Variants in TYW1 observed in about 807,000 individuals in gnomAD.
TYW1 encodes the protein tRNA-yW synthesizing protein 1 homolog.
In TYW1, 46 loss-of-function variants were observed where a neutral mutation model predicts 96.2. The ratio of observed to expected loss-of-function variants is 0.48; its 90% CI spans 0.38 to 0.61. The LOEUF (loss-of-function observed/expected upper bound fraction) is 0.61. TYW1 is among the 20% of genes least tolerant of loss of function. The pLI is 0.00. For missense variants in TYW1, 684 were observed against 909.6 expected (o/e 0.75, Z 3.19); for synonymous variants, 274 against 323.0 (o/e 0.85, Z 1.63).
chr7:67,029,775 A>T (rs1319430056), intron 7 of TYW1, among the ~76,000 whole-genome samples: 1 of 152,068 alleles, frequency 6.6e-6, no homozygotes, highest in East Asian at 1.9e-4. Context: ...ATCACGGCTC[A>T]CTGCAACCTT....
chr7:67,034,351 C>T (rs780903793), intron 7 of TYW1, among the ~76,000 whole-genome samples: 66 of 152,208 alleles, frequency 4.3e-4, no homozygotes, highest in South Asian at 8.3e-4. Flanking sequence ...AGATATCCAC[C>T]TGCCTTGGCC....
At chr7:67,060,263 A>G (rs11765001) in intron 9 of TYW1, among the ~76,000 whole-genome samples, 9,782 of 151,968 alleles carry the variant, frequency 0.064, 433 homozygotes, top group South Asian at 0.11. Context: ...TTCAGTAGAG[A>G]CGGGGTTTTG....
intron 1 of TYW1, 76 bp downstream of exon 1, chr7:66,997,058 A>G: frequency 6.2e-7 from 1 of 1,603,080 alleles, no homozygotes; most frequent in Non-Finnish European, 8.5e-7. Flanking sequence ...CTCCGGGCGG[A>G]GTGGCGTCCT....
chr7:67,018,038 T>A lies in TYW1; in HGVS notation c.756T>A (p.Cys252Ter). The A allele has an allele frequency of 6.2e-7, 1 of 1,614,068 alleles. No individual in the cohort carries two copies. Among genetic ancestry groups the A allele is most frequent in the Non-Finnish European group, 8.5e-7 (1 of 1,180,022 alleles). Residue 252 changes from cysteine (C) to a stop codon, truncating the protein, a stop_gained, in exon 6 of 16, where the codon TGT becomes TGA. Transcript: ENST00000359626. LOFTEE classifies it high-confidence loss of function. ...ALQKGERKKS[C>*]GGHCKKGKCE... The stretch of plus-strand genomic sequence containing the variant: ...AGAAAGGGGAGAGAAAGAAGTCCTG[T>A]GGCGGCCACTGCAAGAAAGGCAAAT...
chr7:67,154,751 A>G (rs1436286055), intron 13 of TYW1, among the ~76,000 whole-genome samples: 1 of 152,082 alleles, frequency 6.6e-6, no homozygotes, highest in Non-Finnish European at 1.5e-5. Flanking sequence ...ATTTTAAACT[A>G]TTATTTTATT....
chr7:67,193,812 G>GGTGT (rs35319302), intron 14 of TYW1, among the ~76,000 whole-genome samples: 232 of 150,014 alleles, frequency 1.5e-3, no homozygotes, highest in African/African-American at 5.5e-3. Context: ...GTTTGTCTGT[G>GGTGT]GTGTGTGTGT....
chr7:67,211,987 T>G (rs1420940244), intron 15 of TYW1, among the ~76,000 whole-genome samples: 1 of 152,186 alleles, frequency 6.6e-6, no homozygotes, highest in African/African-American at 2.4e-5. Flanking sequence ...AAAATTTGCA[T>G]ACATTAAGAT....
chr7:67,031,276 T>C (rs371437272), intron 7 of TYW1, among the ~76,000 whole-genome samples: 9,592 of 120,598 alleles, frequency 0.08, 90 homozygotes, highest in Non-Finnish European at 0.1. Context: ...ATACTAACTA[T>C]GTAAGGCATG....
chr7:67,098,415 T>G, intron 11 of TYW1, 126 bp from the exon 12 acceptor site: 1 of 627,344 alleles, frequency 1.6e-6, no homozygotes. Context: ...CTTTAGCCTT[T>G]GTTTTGTATT....
intron 12 of TYW1, among the ~76,000 whole-genome samples, chr7:67,108,045 T>G (rs565961677): frequency 2.0e-5 from 3 of 151,836 alleles, no homozygotes; most frequent in Non-Finnish European, 4.4e-5. Flanking sequence ...CCCAGCTAAT[T>G]TTTGTATTTA....
chr7:67,196,146 C>T (rs1372440928), intron 15 of TYW1, among the ~76,000 whole-genome samples: 1 of 151,836 alleles, frequency 6.6e-6, no homozygotes, highest in African/African-American at 2.4e-5. Context: ...TCTTCCAGTT[C>T]ACTAAGTCTT....
chr7:67,071,766 G>A (rs1181776450), intron 10 of TYW1, among the ~76,000 whole-genome samples: 16 of 151,964 alleles, frequency 1.1e-4, no homozygotes, highest in Non-Finnish European at 1.2e-4. Flanking sequence ...GATTGCAGGC[G>A]CCCGCCACCA....
intron 11 of TYW1, among the ~76,000 whole-genome samples, chr7:67,091,466 T>A (rs545672608): frequency 6.6e-6 from 1 of 151,802 alleles, no homozygotes; most frequent in South Asian, 2.1e-4. Flanking sequence ...CTAATGTAAA[T>A]GACGAGTTAA....
chr7:67,231,209 A>G (rs1394871244), intron 15 of TYW1, among the ~76,000 whole-genome samples: 1 of 152,184 alleles, frequency 6.6e-6, no homozygotes, highest in Non-Finnish European at 1.5e-5. Flanking sequence ...TTTCGCTAAC[A>G]ACTCTCAAAC....
At chr7:67,059,713 T>C in intron 9 of TYW1, among the ~76,000 whole-genome samples, 1 of 151,434 alleles carries the variant, frequency 6.6e-6, no homozygotes, top group South Asian at 2.1e-4. Context: ...TTTACATTTC[T>C]TCCTTTTGAT....
chr7:67,214,794 A>T, intron 15 of TYW1, among the ~76,000 whole-genome samples: 1 of 142,648 alleles, frequency 7.0e-6, no homozygotes, highest in African/African-American at 2.7e-5. Context: ...TATTGATATG[A>T]CAGATTACAT....
chr7:67,187,052 A>ATT lies in TYW1; in HGVS notation c.1809+3844_1809+3845dup, dbSNP rs750086247. ...TGGAGAAATGTATAACCACAATTAA[A>ATT]TTTTTTTTTTTTTTTTTTTTTTTTT... On this transcript the variant is annotated intron_variant, in intron 14 of 15. Transcript: ENST00000359626. 1.5e-3 allele frequency among the ~76,000 whole-genome samples: 152 copies of ATT among 100,912 alleles called. 5 individuals are homozygous for ATT. The highest frequency in any genetic ancestry group is 2.7e-3 in the African/African-American group (77 of 28,536). 66.2% of individuals were successfully genotyped at this position (100,912 alleles called of 152,430 possible). A position where few individuals can be genotyped will look rare whatever the true frequency, so the allele number is the denominator to read the frequency against.
chr7:67,030,194 C>T (rs1794627413), intron 7 of TYW1, among the ~76,000 whole-genome samples: 1 of 152,166 alleles, frequency 6.6e-6, no homozygotes, highest in African/African-American at 2.4e-5. Context: ...AGTGTATTTC[C>T]TTTTCTCAAA....
chr7:67,068,797 C>A (rs534154200), intron 10 of TYW1, among the ~76,000 whole-genome samples: 33 of 152,122 alleles, frequency 2.2e-4, no homozygotes, highest in African/African-American at 8.0e-4. Context: ...TTGGATCATC[C>A]GCAGTCATTT....
Sources: allele counts gnomAD v4.1 joint callset (sites outside exome capture counted in the v4.1 genomes callset), GRCh38; gene constraint gnomAD v4.1.1; transcripts MANE v1.5; gene names NCBI Gene and HGNC (gene_info 2026-07-23, HGNC 2026-07-21).